The following COL4A2 variants were observed in gnomAD, a reference collection of about 807,000 sequenced individuals.
The protein encoded by COL4A2 is collagen type IV alpha 2 chain.
A neutral mutation model predicts 200.2 loss-of-function variants in COL4A2; 99 were observed. The ratio of observed to expected loss-of-function variants is 0.49; its 90% CI spans 0.42 to 0.58. The LOEUF (loss-of-function observed/expected upper bound fraction) is 0.58, where lower values mean the gene tolerates loss of function less well. Ranked by LOEUF, COL4A2 falls within the 20% of genes least tolerant of loss-of-function variation. The probability of loss-of-function intolerance (pLI) is 0.00; values close to 1 mark genes in which losing one functional copy is unlikely to be tolerated. For missense variants in COL4A2, 1,950 were observed against 2,314.1 expected (o/e 0.84, Z 3.23); for synonymous variants, 897 against 900.6 (o/e 1.00, Z 0.07).
rs375372676 is a variant in COL4A2 at position 110,450,424 on chromosome 13, C to G, written c.1309C>G (p.Pro437Ala). The G allele has an allele frequency of 5.0e-6, 8 of 1,613,792 alleles. No homozygotes were observed. The Admixed American group carries it at 1.2e-4, about 24-fold the overall frequency. Residue 437 changes from proline to alanine, a missense_variant, in exon 20 of 48, where the codon CCC becomes GCC. Transcript: ENST00000360467. ...PDGKRGPPGP[P>A]GLPGPPGPDG... is the part of the protein sequence containing the mutation. ...TGGAAAGCGAGGGCCTCCAGGACCC[C>G]CCGGGCTCCCTGGACCACCTGGACC...
chr13:110,335,233 C>T (rs1429306565), intron 3 of COL4A2, among the ~76,000 whole-genome samples: 1 of 152,138 alleles, frequency 6.6e-6, no homozygotes, highest in Non-Finnish European at 1.5e-5. Context: ...CCTGAGTTCT[C>T]TTTGTAATGC....
chr13:110,500,815 G>A (rs569598869), intron 40 of COL4A2, among the ~76,000 whole-genome samples: 7 of 152,290 alleles, frequency 4.6e-5, no homozygotes, highest in South Asian at 2.1e-4. Context: ...GCACTCACTC[G>A]TGCCTGAATG....
chr13:110,402,239 C>G (rs1191843892), intron 4 of COL4A2, among the ~76,000 whole-genome samples: 1 of 152,218 alleles, frequency 6.6e-6, no homozygotes, highest in Admixed American at 6.5e-5. Context: ...AGGCACATTT[C>G]TCTCCCAGTA....
At chr13:110,469,906 C>CTTT (rs66524559) in intron 28 of COL4A2, among the ~76,000 whole-genome samples, 3,445 of 75,580 alleles carry the variant, frequency 0.046, 464 homozygotes, top group African/African-American at 0.16. Flanking sequence ...GCATACACGT[C>CTTT]TTTTTTTTTT....
At chr13:110,317,260 ACACT>A (rs1266489505) in intron 3 of COL4A2, among the ~76,000 whole-genome samples, 2 of 151,528 alleles carry the variant, frequency 1.3e-5, no homozygotes, top group African/African-American at 2.4e-5. Flanking sequence ...CACTTGCACC[ACACT>A]CACACATACA....
intron 3 of COL4A2, among the ~76,000 whole-genome samples, chr13:110,316,516 G>A (rs1055686542): frequency 6.6e-6 from 1 of 152,196 alleles, no homozygotes; most frequent in African/African-American, 2.4e-5. Flanking sequence ...CTCCAGATTA[G>A]GTGAAAGGAA....
chr13:110,310,172 C>T (rs907837904), intron 3 of COL4A2, among the ~76,000 whole-genome samples: 10 of 152,226 alleles, frequency 6.6e-5, no homozygotes, highest in Non-Finnish European at 4.4e-5. Flanking sequence ...CAAGCTCACC[C>T]CCAGTCTCTT....
rs567856458 is a variant in COL4A2 at position 110,437,152 on chromosome 13, C to T, written c.825+785C>T. Among the ~76,000 whole-genome samples the T allele has an allele frequency of 6.6e-5, 10 of 152,370 alleles. No homozygotes were observed. In the East Asian group the frequency reaches 1.9e-3, roughly 29 times the overall value. ...GGGGCTTGGGTCCTGTGTCCTGGGT[C>T]CTGCATCCTGGGGCGGATTTGGCAG... is the stretch of plus-strand genomic sequence containing the variant. On this transcript the variant is annotated intron_variant, in intron 13 of 47. Coordinates refer to ENST00000360467, the MANE Select transcript of COL4A2 (RefSeq NM_001846.4).
At chr13:110,425,276 C>T (rs902802564) in intron 6 of COL4A2, among the ~76,000 whole-genome samples, 10 of 152,246 alleles carry the variant, frequency 6.6e-5, no homozygotes, top group Middle Eastern at 3.4e-3. Context: ...TCCAGATACT[C>T]GCCCTAAAGA....
At chr13:110,509,139 C>T (rs1883985494) in intron 47 of COL4A2, among the ~76,000 whole-genome samples, 1 of 151,432 alleles carries the variant, frequency 6.6e-6, no homozygotes. Context: ...AAAAGAAAGT[C>T]TCACTGAGGA....
rs1233140386 is a variant in COL4A2, at chr13:110,512,958, C to G, written c.*767C>G. 1 of 152,196 alleles carries G rather than the reference C, an allele frequency of 6.6e-6. No homozygotes were observed. Among genetic ancestry groups the G allele is most frequent in the African/African-American group, 2.4e-5 (1 of 41,422 alleles). The allele number at this position is 152,196 out of a possible 1,614,324, so 9.4% of individuals were successfully genotyped here. A position where few individuals can be genotyped will look rare whatever the true frequency, so the allele number is the denominator to read the frequency against. On this transcript the variant is annotated 3_prime_UTR_variant, in exon 48 of 48. Transcript: ENST00000360467. ...TAACCCCTCCACTGCTGGGGGTGAG[C>G]TGTACTCTTCTGACTGCCCCCTCCT...
intron 20 of COL4A2, among the ~76,000 whole-genome samples, chr13:110,452,756 TTTTTA>T (rs10643752): frequency 6.6e-6 from 1 of 151,234 alleles, no homozygotes; most frequent in Non-Finnish European, 1.5e-5. Context: ...GAACTTTATT[TTTTTA>T]TTTTATTTTA....
chr13:110,437,951 A>T (rs767871386), intron 13 of COL4A2, 51 bp from the exon 14 acceptor site: 1 of 1,479,446 alleles, frequency 6.8e-7, no homozygotes, highest in South Asian at 1.1e-5. Context: ...ATTTTTACCC[A>T]TTACCATCCT....
chr13:110,480,095 T>C (rs537074284), intron 30 of COL4A2, 125 bp from the exon 31 acceptor site: 24 of 1,073,440 alleles, frequency 2.2e-5, no homozygotes, highest in Non-Finnish European at 3.1e-5. Flanking sequence ...CACCCCAACA[T>C]GGTGGTTTTC....
rs200735885 is a variant in COL4A2 at position 110,465,576 on chromosome 13, C to T, written c.1948C>T (p.Pro650Ser). Residue 650 changes from proline to serine, a missense_variant, in exon 25 of 48, where the codon CCT becomes TCT. By Grantham distance (74) the Pro-to-Ser change is moderately conservative (BLOSUM62 -1). This residue lies in a region of COL4A2 where 1,385 missense variants were observed against 1,720.5 expected (regional missense o/e 0.80). Transcript: ENST00000360467. ...TGGACCACCAGGCTTCCTGGGCCCT[C>T]CTGGCCCCGCAGGGACCCCAGGACA... ...LPGPPGFLGP[P>S]GPAGTPGQID... 1.7e-3 allele frequency: 2,801 copies of T among 1,613,708 alleles called. 9 individuals carry two copies. The highest frequency in any genetic ancestry group is 1.9e-3 in the Admixed American group (113 of 59,978).
chr13:110,483,825 T>C (rs967407613), intron 32 of COL4A2, among the ~76,000 whole-genome samples: 1 of 152,252 alleles, frequency 6.6e-6, no homozygotes, highest in Non-Finnish European at 1.5e-5. Context: ...TAAAGTGTTC[T>C]CAAGTTAGAC....
At chr13:110,510,487 T>C (rs1884046502) in intron 47 of COL4A2, among the ~76,000 whole-genome samples, 1 of 124,378 alleles carries the variant, frequency 8.0e-6, no homozygotes, top group African/African-American at 3.1e-5. Context: ...TCTCTTAAGA[T>C]ACATGAGCTG....
Position 110,428,476 on chromosome 13 carries a change from G to A in COL4A2, c.370G>A (p.Gly124Arg). The A allele has an allele frequency of 6.3e-7, 1 of 1,575,842 alleles. No homozygotes were observed. The highest frequency in any genetic ancestry group is 8.6e-7 in the Non-Finnish European group (1 of 1,166,198). ...CTGCTCTCTTTCCCAGGGACACCCG[G>A]GGCAAGGTGGGCCCAGGGGAAGGCC... ...PGADGIPGHP[G>R]QGGPRGRPGY... Residue 124 changes from glycine to arginine, a missense_variant, in exon 7 of 48, where the codon GGG becomes AGG. By Grantham distance (125) the Gly-to-Arg change is moderately radical (BLOSUM62 -2). Coordinates refer to ENST00000360467, the MANE Select transcript of COL4A2 (RefSeq NM_001846.4).
Position 110,438,549 on chromosome 13 carries a change from C to T in COL4A2, c.862-69C>T, listed in dbSNP as rs367998038. Reference sequence around the variant, plus strand: ...CACAGAGTCCTGGAGCAGAGGATGACACGTGGGCCCTGTTGGCTGGAGGGG... The same window carrying T: ...CACAGAGTCCTGGAGCAGAGGATGATACGTGGGCCCTGTTGGCTGGAGGGG... On this transcript the variant is annotated intron_variant, in intron 14 of 47. Coordinates refer to ENST00000360467, the MANE Select transcript of COL4A2 (RefSeq NM_001846.4). The T allele has an allele frequency of 3.1e-5, 49 of 1,577,892 alleles. No individual in the cohort carries two copies. The African/African-American group carries it at 5.5e-4, about 18-fold the overall frequency.
Sources: gnomAD v4.1 joint callset for allele counts (sites outside exome capture counted in the v4.1 genomes callset) on GRCh38, gnomAD v4.1.1 for gene constraint, gnomAD v4.1.1 regional missense constraint, MANE v1.5 for transcripts, NCBI Gene and HGNC (gene_info 2026-07-23, HGNC 2026-07-21) for gene names.